Variants in NT5DC2 observed in about 807,000 individuals in gnomAD.
NT5DC2 encodes 5'-nucleotidase domain containing 2, also known as 5'-nucleotidase domain-containing protein 2.
A neutral mutation model predicts 70.0 loss-of-function variants in NT5DC2; 41 were observed. That is an observed-to-expected ratio of 0.59 (90% CI 0.46 to 0.76). NT5DC2 has a LOEUF of 0.76. NT5DC2 is among the 30% of genes least tolerant of loss of function. The probability of loss-of-function intolerance (pLI) is 0.00; values close to 1 mark genes in which losing one functional copy is unlikely to be tolerated. For synonymous variants in NT5DC2, 299 were observed against 310.4 expected, an observed-to-expected ratio of 0.96 and a Z score of 0.39; for missense variants, 705 against 783.2, an observed-to-expected ratio of 0.90 and a Z score of 1.19.
chr3:52,533,543 TA>T lies in NT5DC2; in HGVS notation c.194del (p.Leu65HisfsTer24). On this transcript the variant is annotated frameshift_variant, in exon 1 of 14. Transcript: ENST00000422318. LOFTEE classifies it high-confidence loss of function. ...TCCGCATGTCCTGGTAGCGAGCCCATAGGTGCGCGCTGAGGTCGGCGCCGCT... is the reference window on the plus strand; with the variant it reads ...TCCGCATGTCCTGGTAGCGAGCCCATGGTGCGCGCTGAGGTCGGCGCCGCT... ...PTSGADLSAH[L>X]WARYQDMRRL... The T allele has an allele frequency of 7.1e-7, 1 of 1,409,384 alleles. No homozygotes were observed. Among genetic ancestry groups the T allele is most frequent in the Non-Finnish European group, 9.3e-7 (1 of 1,080,472 alleles). 87.3% of individuals were successfully genotyped at this position (1,409,384 alleles called of 1,614,324 possible).
Position 52,525,063 on chromosome 3 carries a change from A to C in NT5DC2, c.1247T>G (p.Ile416Ser), listed in dbSNP as rs1163686654. The change falls in exon 12 of 14, where the codon ATC becomes AGC. Residue 416 changes from isoleucine to serine, a missense_variant. Ile to Ser is a moderately radical substitution (Grantham distance 142, BLOSUM62 -2). Coordinates refer to ENST00000422318, the MANE Select transcript of NT5DC2 (RefSeq NM_001134231.2). ...LRHGWRTGAI[I>S]PELEREIRII... is the part of the protein sequence containing the mutation. ...GCGGATCTCACGCTCCAGCTCGGGG[A>C]TGATGGCGCCTGTGCGCCAGCCGTG... The C allele has an allele frequency of 6.9e-7, 1 of 1,444,724 alleles. No homozygotes were observed. Among genetic ancestry groups the C allele is most frequent in the East Asian group, 3.3e-5 (1 of 30,534 alleles). The allele number at this position is 1,444,724 out of a possible 1,614,324, so 89.5% of individuals were successfully genotyped here. A position where few individuals can be genotyped will look rare whatever the true frequency, so the allele number is the denominator to read the frequency against.
At chr3:52,534,640 C>G, upstream of NT5DC2, 1 of 1,613,080 alleles carries the variant, frequency 6.2e-7, no homozygotes, top group Non-Finnish European at 8.5e-7. Context: ...CGCAGAACCG[C>G]TCTCCACTCG....
Position 52,527,275 on chromosome 3 carries a change from C to T in NT5DC2, c.1119+19G>A, listed in dbSNP as rs764728211. 3 of 1,612,828 alleles carry T rather than the reference C, an allele frequency of 1.9e-6. No individual in the cohort carries two copies. Among genetic ancestry groups the T allele is most frequent in the Admixed American group, 1.7e-5 (1 of 60,012 alleles). ...CCCCATGCCCCCACCACATGCTGCT[C>T]TCCCCAGATGGCCCTTACCTGCCGA... On this transcript the variant is annotated intron_variant, in intron 10 of 13. Transcript: ENST00000422318.
At chr3:52,525,854 C>T (rs571545143) in intron 10 of NT5DC2, 4 of 153,506 alleles carry the variant, frequency 2.6e-5, no homozygotes, top group East Asian at 1.9e-4. Context: ...ACCCCAAAAG[C>T]GAGAATAATT....
intron 1 of NT5DC2, among the ~76,000 whole-genome samples, chr3:52,533,138 C>A (rs2079382967): frequency 6.6e-6 from 1 of 152,204 alleles, no homozygotes; most frequent in Admixed American, 6.5e-5. Context: ...ACAGCACTCT[C>A]CCGCCCCAAC....
intron 10 of NT5DC2, chr3:52,525,831 G>T (rs186957196): frequency 7.5e-4 from 117 of 155,502 alleles, no homozygotes; most frequent in African/African-American, 2.5e-3. Flanking sequence ...CAGCCACCAG[G>T]GTAGGAGTCC....
At position 52,529,658 on chromosome 3, in the gene NT5DC2, CA is replaced by C. The variant is rs1229397755; in HGVS notation, c.233-325del. On this transcript the variant is annotated intron_variant, in intron 1 of 13. Transcript: ENST00000422318. The surrounding 1 kb of genome is among the most constrained non-coding windows in gnomAD (Gnocchi z 4.1). ...CCTCACCACTAAGCCCCATCAGACA[CA>C]AGGCCATGCTAGAACCCTGGCAGCA... Among the ~76,000 whole-genome samples the C allele has an allele frequency of 6.6e-6, 1 of 152,162 alleles. No individual in the cohort carries two copies. The highest frequency in any genetic ancestry group is 1.5e-5 in the Non-Finnish European group (1 of 68,022).
chr3:52,534,619 C>T (rs2079405120), upstream of NT5DC2: 7 of 1,613,932 alleles, frequency 4.3e-6, no homozygotes, highest in Non-Finnish European at 5.9e-6. Context: ...CAACAAAATT[C>T]CTCTTTCCTG....
intron 10 of NT5DC2, 187 bp from the exon 11 acceptor site, chr3:52,525,482 C>A: frequency 1.6e-6 from 1 of 609,830 alleles, no homozygotes; most frequent in Non-Finnish European, 3.0e-6. Context: ...GGGATTCTGC[C>A]TGCTGCAGGA....
intron 10 of NT5DC2, 62 bp downstream of exon 10, chr3:52,527,232 C>CCTGGGGCCCTAG: frequency 6.7e-7 from 1 of 1,500,834 alleles, no homozygotes; most frequent in South Asian, 1.1e-5. Flanking sequence ...CTCTGCACAG[C>CCTGGGGCCCTAG]CTGGGGCCCT....
Position 52,527,655 on chromosome 3 carries a change from G to A in NT5DC2, c.999C>T (p.Val333=). Residue 333 remains valine (V), a synonymous_variant, in exon 9 of 14, where the codon GTC becomes GTT. Transcript: ENST00000422318. ...DWRQLFDVVI[V]QADKPSFFTD... Reference sequence around the variant, plus strand: ...TGAAGAAGCTGGGCTTGTCTGCCTGGACAATGACCACATCGAAGAGCTGGC... The same window carrying A: ...TGAAGAAGCTGGGCTTGTCTGCCTGAACAATGACCACATCGAAGAGCTGGC... 2 of 1,613,174 alleles carry A rather than the reference G, an allele frequency of 1.2e-6. No homozygotes were observed. Among genetic ancestry groups the A allele is most frequent in the Non-Finnish European group, 8.5e-7 (1 of 1,180,038 alleles).
rs761535799 is a variant in NT5DC2, at chr3:52,528,941, G to C, written c.418-6C>G. 6.2e-7 allele frequency: 1 copy of C among 1,613,672 alleles called. No homozygotes were observed. Among genetic ancestry groups the C allele is most frequent in the African/African-American group, 1.3e-5 (1 of 74,914 alleles). ...TTCCGAATCCCTTCTGGGTACTGCCGGGGGAAAGGGGCCAGGCCTAAGCCA... is the reference window on the plus strand; with the variant it reads ...TTCCGAATCCCTTCTGGGTACTGCCCGGGGAAAGGGGCCAGGCCTAAGCCA... On this transcript the variant is annotated splice_region_variant and splice_polypyrimidine_tract_variant and intron_variant, in intron 2 of 13. Coordinates refer to ENST00000422318, the MANE Select transcript of NT5DC2 (RefSeq NM_001134231.2).
Position 52,533,666 on chromosome 3 carries a change from G to C in NT5DC2, c.72C>G (p.Ala24=). The change falls in exon 1 of 14, where the codon GCC becomes GCG. Residue 24 remains alanine, a synonymous_variant. Coordinates refer to ENST00000422318, the MANE Select transcript of NT5DC2 (RefSeq NM_001134231.2). The part of the protein sequence containing the change: ...LLCGGHGGPR[A]ASSSPSCPGC... ...CAGGGCAGGAGGGCGAGGACGAGGCGGCTCGCGGCCCGCCGTGGCCTCCGC... is the reference window on the plus strand; with the variant it reads ...CAGGGCAGGAGGGCGAGGACGAGGCCGCTCGCGGCCCGCCGTGGCCTCCGC... 3.5e-6 allele frequency: 4 copies of C among 1,148,404 alleles called. No individual in the cohort carries two copies. The highest frequency in any genetic ancestry group is 4.3e-6 in the Non-Finnish European group (4 of 935,296). The allele number at this position is 1,148,404 out of a possible 1,614,324, so 71.1% of individuals were successfully genotyped here.
chr3:52,531,755 CCCA>C lies in NT5DC2; in HGVS notation c.232+1748_232+1750del, dbSNP rs2153242571. Among the ~76,000 whole-genome samples the C allele has an allele frequency of 6.6e-6, 1 of 152,102 alleles. No homozygotes were observed. Among genetic ancestry groups the C allele is most frequent in the East Asian group, 1.9e-4 (1 of 5,190 alleles). ...CCCTCCTTTCTCCTCAGCCCTAGCT[CCCA>C]CACCTGCCCATGGTGCCAGGTCCCA... On this transcript the variant is annotated intron_variant, in intron 1 of 13. Transcript: ENST00000422318. The surrounding 1 kb of genome is among the most constrained non-coding windows in gnomAD (Gnocchi z 4.1).
upstream of NT5DC2, chr3:52,534,398 C>T (rs893550515): frequency 2.1e-6 from 3 of 1,449,038 alleles, no homozygotes; most frequent in African/African-American, 1.4e-5. Context: ...GTGCCAGGCC[C>T]ACGCTGGGGG....
At chr3:52,525,577 A>T (rs988475784) in intron 10 of NT5DC2, 19 of 428,966 alleles carry the variant, frequency 4.4e-5, no homozygotes, top group African/African-American at 3.4e-4. Flanking sequence ...TAGGGATTAG[A>T]TCCCTGTTTG....
rs989306915 is a variant in NT5DC2, at chr3:52,533,561, G to C, written c.177C>G (p.Ala59=). Residue 59 remains alanine (A), a synonymous_variant, in exon 1 of 14, where the codon GCC becomes GCG. Coordinates refer to ENST00000422318, the MANE Select transcript of NT5DC2 (RefSeq NM_001134231.2). ...GAGCCCATAGGTGCGCGCTGAGGTC[G>C]GCGCCGCTGGTGGGTGCCTGGGCGG... ...SAPAQAPTSG[A]DLSAHLWARY... The C allele has an allele frequency of 2.1e-5, 28 of 1,353,744 alleles. No individual in the cohort carries two copies. The highest frequency in any genetic ancestry group is 5.2e-4 in the Middle Eastern group (2 of 3,864). 83.9% of individuals were successfully genotyped at this position (1,353,744 alleles called of 1,614,324 possible). A position where few individuals can be genotyped will look rare whatever the true frequency, so the allele number is the denominator to read the frequency against.
chr3:52,527,462 C>A, intron 9 of NT5DC2, 87 bp from the exon 10 acceptor site: 2 of 1,495,882 alleles, frequency 1.3e-6, no homozygotes, highest in Non-Finnish European at 1.8e-6. Flanking sequence ...AAAGGCCCAC[C>A]TGCTCAAGTG....
At chr3:52,528,772 C>CTGG in intron 3 of NT5DC2, 80 bp from the exon 4 acceptor site, 3 of 1,603,072 alleles carry the variant, frequency 1.9e-6, no homozygotes, top group Non-Finnish European at 2.6e-6. Context: ...TCAGCCCATG[C>CTGG]CAGAACCCCA....
Sources: gnomAD v4.1 joint callset for allele counts (sites outside exome capture counted in the v4.1 genomes callset) on GRCh38, gnomAD v4.1.1 for gene constraint, Gnocchi (gnomAD v3.1) non-coding constraint, MANE v1.5 for transcripts, NCBI Gene and HGNC (gene_info 2026-07-23, HGNC 2026-07-21) for gene names.